DLG2: variants seen among roughly 807,000 people sequenced by gnomAD.
DLG2 encodes the protein discs large MAGUK scaffold protein 2, also known as disks large homolog 2.
A neutral mutation model predicts 132.5 loss-of-function variants in DLG2; 45 were observed. The ratio of observed to expected loss-of-function variants is 0.34; its 90% CI spans 0.27 to 0.44. DLG2 has a LOEUF of 0.44. Among genes scored for constraint, DLG2 ranks in the 20% least tolerant of loss-of-function variants. DLG2 has a pLI of 1.00. For missense variants in DLG2, 1,045 were observed against 1,196.9 expected (o/e 0.87, Z 1.87); for synonymous variants, 424 against 419.6 (o/e 1.01, Z -0.13).
chr11:85,005,703 T>C (rs2058595264), intron 6 of DLG2, among the ~76,000 whole-genome samples: 1 of 152,202 alleles, frequency 6.6e-6, no homozygotes, highest in Non-Finnish European at 1.5e-5. Context: ...CTCTTCCTAT[T>C]TGAATACCTT....
intron 18 of DLG2, among the ~76,000 whole-genome samples, chr11:83,664,225 C>T (rs12271567): frequency 0.038 from 5,737 of 152,208 alleles, 314 homozygotes; most frequent in African/African-American, 0.12. Context: ...TCCACATAAG[C>T]CAACAAGGCT....
At chr11:85,062,317 C>A (rs1231819874) in intron 6 of DLG2, among the ~76,000 whole-genome samples, 1 of 151,666 alleles carries the variant, frequency 6.6e-6, no homozygotes, top group Non-Finnish European at 1.5e-5. Context: ...TGTGTTTGAT[C>A]ATTGCATTCC....
intron 3 of DLG2, among the ~76,000 whole-genome samples, chr11:85,493,152 T>C (rs2093600211): frequency 1.3e-5 from 2 of 152,168 alleles, no homozygotes; most frequent in African/African-American, 4.8e-5. Flanking sequence ...GATGAGTTGA[T>C]TAAAGTACCC....
At chr11:84,913,392 C>G (rs1055518600) in intron 6 of DLG2, among the ~76,000 whole-genome samples, 1 of 152,152 alleles carries the variant, frequency 6.6e-6, no homozygotes, top group African/African-American at 2.4e-5. Flanking sequence ...CATCTCATCT[C>G]AAAGCTATTC....
intron 6 of DLG2, among the ~76,000 whole-genome samples, chr11:84,770,790 T>C (rs1224873963): frequency 1.3e-5 from 2 of 151,274 alleles, no homozygotes; most frequent in African/African-American, 4.9e-5. Flanking sequence ...GGACTACAGG[T>C]GCCAGCTACC....
intron 6 of DLG2, among the ~76,000 whole-genome samples, chr11:84,880,750 T>C (rs940433864): frequency 5.3e-5 from 8 of 152,126 alleles, no homozygotes; most frequent in African/African-American, 1.7e-4. Context: ...TCAACTGTGT[T>C]CAGAATGCTT....
chr11:85,372,843 C>T (rs1338379305), intron 3 of DLG2, among the ~76,000 whole-genome samples: 2 of 152,144 alleles, frequency 1.3e-5, no homozygotes, highest in East Asian at 3.9e-4. Flanking sequence ...CCCTGAAGTA[C>T]CCCTGGTATC....
intron 4 of DLG2, among the ~76,000 whole-genome samples, chr11:85,260,895 C>A (rs2076905099): frequency 2.0e-5 from 3 of 152,126 alleles, no homozygotes; most frequent in African/African-American, 4.8e-5. Context: ...CACAGTCCCA[C>A]CCCACCTCAC....
intron 6 of DLG2, among the ~76,000 whole-genome samples, chr11:84,838,940 G>T (rs955717458): frequency 5.3e-5 from 8 of 152,076 alleles, no homozygotes; most frequent in Non-Finnish European, 1.2e-4. Context: ...TACAAGACAG[G>T]GATGCCCTCT....
chr11:84,889,412 T>G (rs1371416541), intron 6 of DLG2, among the ~76,000 whole-genome samples: 1 of 152,048 alleles, frequency 6.6e-6, no homozygotes, highest in Admixed American at 6.6e-5. Flanking sequence ...GAAGACAAGA[T>G]ATGGGTGTTC....
At chr11:83,677,429 G>C (rs1399501463) in intron 18 of DLG2, among the ~76,000 whole-genome samples, 1 of 152,022 alleles carries the variant, frequency 6.6e-6, no homozygotes, top group African/African-American at 2.4e-5. Context: ...CTTTCATATG[G>C]AGGAGAGCAT....
At chr11:84,811,700 T>C (rs920282235) in intron 6 of DLG2, among the ~76,000 whole-genome samples, 5 of 152,182 alleles carry the variant, frequency 3.3e-5, no homozygotes, top group African/African-American at 9.7e-5. Flanking sequence ...TTCATTCACT[T>C]ATTTATATAT....
At chr11:85,456,519 G>A (rs1415893650) in intron 3 of DLG2, among the ~76,000 whole-genome samples, 1 of 151,972 alleles carries the variant, frequency 6.6e-6, no homozygotes, top group Non-Finnish European at 1.5e-5. Context: ...CTTTGAGATT[G>A]GTTTGCTCTT....
intron 6 of DLG2, among the ~76,000 whole-genome samples, chr11:84,857,571 T>C (rs541827502): frequency 4.3e-4 from 66 of 152,220 alleles, no homozygotes; most frequent in African/African-American, 1.6e-3. Context: ...CATAAGCAAA[T>C]GTTTTAAATA....
intron 7 of DLG2, among the ~76,000 whole-genome samples, chr11:84,475,097 A>G (rs573955609): frequency 4.6e-5 from 7 of 152,294 alleles, no homozygotes; most frequent in Non-Finnish European, 8.8e-5. Flanking sequence ...ATGAGCTGAT[A>G]GCACATGTTG....
intron 4 of DLG2, among the ~76,000 whole-genome samples, chr11:85,184,561 T>A (rs989162183): frequency 1.3e-4 from 20 of 151,870 alleles, no homozygotes; most frequent in African/African-American, 4.6e-4. Flanking sequence ...GAGATATAAC[T>A]GTTATTAGAA....
chr11:84,924,056 G>A (rs1176027623), intron 6 of DLG2, among the ~76,000 whole-genome samples: 2 of 151,672 alleles, frequency 1.3e-5, no homozygotes, highest in South Asian at 2.1e-4. Flanking sequence ...AAGGGAGAGA[G>A]CAAGAGAGAA....
chr11:85,427,122 C>A (rs551887973), intron 3 of DLG2, among the ~76,000 whole-genome samples: 1 of 152,190 alleles, frequency 6.6e-6, no homozygotes, highest in African/African-American at 2.4e-5. Flanking sequence ...AAATATGGGA[C>A]TATGTGAAAA....
chr11:85,478,338 G>C lies in DLG2; in HGVS notation c.40+120319C>G, dbSNP rs534745697. 4.8e-4 allele frequency among the ~76,000 whole-genome samples: 73 copies of C among 152,166 alleles called. No homozygotes were observed. The South Asian group carries it at 0.012, about 25-fold the overall frequency. On this transcript the variant is annotated intron_variant, in intron 3 of 27. Transcript: ENST00000376104. Reference sequence around the variant, plus strand: ...CACCTGGACCCAAATATTTTCAATAGAGTGTAATTATTCTAATAGAATTAA... The same window carrying C: ...CACCTGGACCCAAATATTTTCAATACAGTGTAATTATTCTAATAGAATTAA...
Sources: gnomAD v4.1 joint callset for allele counts (sites outside exome capture counted in the v4.1 genomes callset) on GRCh38, gnomAD v4.1.1 for gene constraint, MANE v1.5 for transcripts, NCBI Gene and HGNC (gene_info 2026-07-23, HGNC 2026-07-21) for gene names.